Variants in MID2 observed in about 807,000 individuals in gnomAD.
MID2 encodes the protein probable E3 ubiquitin-protein ligase MID2.
A neutral mutation model predicts 46.1 loss-of-function variants in MID2; 13 were observed. The ratio of observed to expected loss-of-function variants is 0.28; its 90% confidence interval spans 0.18 to 0.45. The LOEUF (loss-of-function observed/expected upper bound fraction) is 0.45, where lower values mean the gene tolerates loss of function less well. Ranked by LOEUF, MID2 falls within the 20% of genes least tolerant of loss-of-function variation. MID2 has a pLI of 1.00. For synonymous variants in MID2, 199 were observed against 212.3 expected (o/e 0.94, Z 0.55); for missense variants, 431 against 575.4 (o/e 0.75, Z 2.57).
chrX:107,900,964 G>T (rs1932790428), intron 3 of MID2, among the ~76,000 whole-genome samples: 1 of 112,174 alleles, frequency 8.9e-6, no homozygotes, highest in Non-Finnish European at 1.9e-5. Context: ...GTCTGGTAAT[G>T]AAGACATGAT....
At chrX:107,901,855 G>A (rs1432902411) in intron 3 of MID2, among the ~76,000 whole-genome samples, 5 of 111,571 alleles carry the variant, frequency 4.5e-5, no homozygotes, top group African/African-American at 6.5e-5. Flanking sequence ...TGACAATCTC[G>A]GGCAAAGGCA....
intron 3 of MID2, among the ~76,000 whole-genome samples, chrX:107,860,184 A>G (rs1931826237): frequency 9.0e-6 from 1 of 111,364 alleles, no homozygotes; most frequent in African/African-American, 3.3e-5. Flanking sequence ...GAAGGGATAC[A>G]TTCAAAACAT....
At chrX:107,857,528 G>A (rs764131761) in intron 3 of MID2, among the ~76,000 whole-genome samples, 2 of 111,643 alleles carry the variant, frequency 1.8e-5, no homozygotes, top group South Asian at 3.7e-4. Flanking sequence ...CAATCCACCC[G>A]CCTTGGCCTC....
At chrX:107,870,407 C>T in intron 3 of MID2, among the ~76,000 whole-genome samples, 1 of 110,152 alleles carries the variant, frequency 9.1e-6, no homozygotes. Context: ...ATGATTTGTT[C>T]TTTCAAAGTT....
chrX:107,836,217 T>G (rs895408313), intron 1 of MID2, among the ~76,000 whole-genome samples: 4 of 112,197 alleles, frequency 3.6e-5, no homozygotes, highest in African/African-American at 1.3e-4. Flanking sequence ...AGTTTGATTC[T>G]TAGTTTTGCC....
chrX:107,926,593 A>T, intron 9 of MID2, 78 bp from the exon 10 acceptor site: 3 of 925,064 alleles, frequency 3.2e-6, no homozygotes, highest in Non-Finnish European at 1.5e-6. Context: ...CCTATTTGTT[A>T]TATATCATAT....
intron 5 of MID2, among the ~76,000 whole-genome samples, chrX:107,914,815 A>G (rs1932942912): frequency 8.9e-6 from 1 of 112,538 alleles, no homozygotes; most frequent in African/African-American, 3.2e-5. Context: ...TGAAGAAAAG[A>G]ACAGTCTAAA....
At chrX:107,920,761 A>G (rs914626759) in intron 7 of MID2, among the ~76,000 whole-genome samples, 15 of 112,145 alleles carry the variant, frequency 1.3e-4, no homozygotes, top group African/African-American at 4.9e-4. Flanking sequence ...AAACTTTCCA[A>G]GACTAGCACA....
intron 3 of MID2, among the ~76,000 whole-genome samples, chrX:107,882,735 A>G (rs1932352068): frequency 8.9e-6 from 1 of 112,041 alleles, no homozygotes; most frequent in South Asian, 3.7e-4. Context: ...AGAAATAGGA[A>G]CACTTTTACA....
chrX:107,884,957 A>G (rs1303208846), intron 3 of MID2, among the ~76,000 whole-genome samples: 1 of 111,924 alleles, frequency 8.9e-6, no homozygotes, highest in African/African-American at 3.2e-5. Flanking sequence ...CATAACAACT[A>G]CACAGCTGTA....
intron 1 of MID2, among the ~76,000 whole-genome samples, chrX:107,834,716 A>C (rs773969142): frequency 8.9e-6 from 1 of 111,811 alleles, no homozygotes; most frequent in East Asian, 2.8e-4. Context: ...CTAGACAGGG[A>C]ATCATTGACC....
intron 3 of MID2, among the ~76,000 whole-genome samples, chrX:107,890,833 C>T (rs753274100): frequency 4.5e-5 from 5 of 111,376 alleles, no homozygotes; most frequent in Admixed American, 9.6e-5. Flanking sequence ...GCCCCTCCCC[C>T]AGCCTTGCTG....
chrX:107,876,939 G>A (rs1932214468), intron 3 of MID2, among the ~76,000 whole-genome samples: 1 of 111,325 alleles, frequency 9.0e-6, no homozygotes, highest in African/African-American at 3.3e-5. Context: ...GCTTGTCCAG[G>A]GTGAAGATTT....
intron 3 of MID2, among the ~76,000 whole-genome samples, chrX:107,873,314 G>C (rs1932118886): frequency 8.9e-6 from 1 of 112,394 alleles, no homozygotes; most frequent in Non-Finnish European, 1.9e-5. Context: ...CCCCTGGATA[G>C]CCTCCTGTCC....
At chrX:107,859,545 C>T (rs1217474233) in intron 3 of MID2, among the ~76,000 whole-genome samples, 1 of 111,840 alleles carries the variant, frequency 8.9e-6, no homozygotes, top group Non-Finnish European at 1.9e-5. Context: ...GGAAATGGCA[C>T]CTGCCCTCAA....
rs1406511255 is a variant in MID2 at position 107,917,718 on chromosome X, A to G, written c.1414A>G (p.Arg472Gly). The part of the protein sequence containing the change: ...RKCKEAVSCS[R>G]LAGAPRGLYN... ...ATGTAAGGAAGCAGTAAGCTGCTCA[A>G]GATTGGCCGGGGCGCCACGAGGCAA... The change falls in exon 7 of 10, where the codon AGA becomes GGA. Residue 472 changes from arginine to glycine, a missense_variant. Physicochemically the swap from Arg to Gly is moderately radical, Grantham distance 125. Transcript: ENST00000262843. 8.3e-7 allele frequency: 1 copy of G among 1,210,379 alleles called. No individual in the cohort carries two copies. Among genetic ancestry groups the G allele is most frequent in the East Asian group, 3.0e-5 (1 of 33,806 alleles).
chrX:107,875,905 A>G (rs758860023), intron 3 of MID2, among the ~76,000 whole-genome samples: 1 of 111,263 alleles, frequency 9.0e-6, no homozygotes. Flanking sequence ...GGGCTCCTGG[A>G]TGGTAATGGT....
chrX:107,851,465 C>T (rs1330183729), intron 2 of MID2, among the ~76,000 whole-genome samples: 1 of 111,549 alleles, frequency 9.0e-6, no homozygotes, highest in Non-Finnish European at 1.9e-5. Context: ...CTCAGTTTGG[C>T]CCAGACTTGC....
intron 7 of MID2, among the ~76,000 whole-genome samples, chrX:107,923,677 T>C (rs899226620): frequency 1.8e-5 from 2 of 110,566 alleles, no homozygotes; most frequent in Non-Finnish European, 3.8e-5. Context: ...AAGGATGGAG[T>C]AGGAGAGTGG....
Sources: gnomAD v4.1 joint callset for allele counts (sites outside exome capture counted in the v4.1 genomes callset) on GRCh38, gnomAD v4.1.1 for gene constraint, MANE v1.5 for transcripts, NCBI Gene and HGNC (gene_info 2026-07-23, HGNC 2026-07-21) for gene names.